The following EXOC5 variants were observed in gnomAD, a reference collection of about 807,000 sequenced individuals.
EXOC5 encodes SEC10-like 1.
EXOC5 carries 17 observed loss-of-function variants against 90.8 expected under a neutral mutation model. The observed-to-expected ratio is 0.19, with a 90% CI of 0.13 to 0.28. EXOC5 has a LOEUF of 0.28. Among genes scored for constraint, EXOC5 ranks in the 10% least tolerant of loss-of-function variants. EXOC5 has a pLI of 1.00. For synonymous variants in EXOC5, 260 were observed against 270.0 expected (o/e 0.96, Z 0.36); for missense variants, 569 against 830.6 (o/e 0.69, Z 3.87).
intron 1 of EXOC5, among the ~76,000 whole-genome samples, chr14:57,260,030 T>A (rs1432073786): frequency 6.6e-6 from 1 of 152,166 alleles, no homozygotes; most frequent in Non-Finnish European, 1.5e-5. Context: ...CATGGTACTA[T>A]CAATCAAAGA....
chr14:57,254,679 T>C (rs1328482020), intron 1 of EXOC5, among the ~76,000 whole-genome samples: 2 of 152,154 alleles, frequency 1.3e-5, no homozygotes, highest in African/African-American at 4.8e-5. Flanking sequence ...TATTTGGAGA[T>C]GGGACCTTTG....
chr14:57,254,102 C>T (rs1358354311), intron 1 of EXOC5, among the ~76,000 whole-genome samples: 3 of 152,150 alleles, frequency 2.0e-5, no homozygotes, highest in African/African-American at 7.2e-5. Context: ...ACAGATGTTT[C>T]TCCAAAGATA....
intron 1 of EXOC5, among the ~76,000 whole-genome samples, chr14:57,266,735 G>GTGTA (rs1884680000): frequency 6.1e-5 from 9 of 146,450 alleles, no homozygotes; most frequent in Non-Finnish European, 1.0e-4. Flanking sequence ...GTGTGTGTGT[G>GTGTA]TATATATATA....
At chr14:57,242,070 T>C (rs1282352121) in intron 4 of EXOC5, among the ~76,000 whole-genome samples, 1 of 148,948 alleles carries the variant, frequency 6.7e-6, no homozygotes, top group Non-Finnish European at 1.5e-5. Context: ...GAGGCGGAGG[T>C]TGCAGTGAGC....
At chr14:57,210,415 C>G (rs1223276427) in intron 15 of EXOC5, among the ~76,000 whole-genome samples, 1 of 152,066 alleles carries the variant, frequency 6.6e-6, no homozygotes, top group Non-Finnish European at 1.5e-5. Context: ...TTCTTGGGAC[C>G]AGAAGTGTTT....
At chr14:57,263,270 A>G (rs1884570089) in intron 1 of EXOC5, among the ~76,000 whole-genome samples, 1 of 152,196 alleles carries the variant, frequency 6.6e-6, no homozygotes, top group African/African-American at 2.4e-5. Context: ...CTGGAGTTGG[A>G]GACTAGCCTG....
rs1181847853 is a variant in EXOC5 at position 57,206,667 on chromosome 14, C to A, written c.*1942G>T. 1 of 152,284 alleles carries A rather than the reference C, an allele frequency of 6.6e-6. No homozygotes were observed. Among genetic ancestry groups the A allele is most frequent in the African/African-American group, 2.4e-5 (1 of 41,390 alleles). The allele number at this position is 152,284 out of a possible 1,614,324, so 9.4% of individuals were successfully genotyped here. A position where few individuals can be genotyped will look rare whatever the true frequency, so the allele number is the denominator to read the frequency against. On this transcript the variant is annotated 3_prime_UTR_variant, in exon 18 of 18. Coordinates refer to ENST00000621441, the MANE Select transcript of EXOC5 (RefSeq NM_006544.4). The stretch of plus-strand genomic sequence containing the variant: ...ATTCACTTACGAATTTTGTCACTGT[C>A]CTATCAACGGACATAATAGAAAATA...
chr14:57,265,412 G>A (rs560228903), intron 1 of EXOC5, among the ~76,000 whole-genome samples: 1 of 152,190 alleles, frequency 6.6e-6, no homozygotes, highest in Admixed American at 6.5e-5. Flanking sequence ...AAAGGAGAGA[G>A]GAACATTTGC....
chr14:57,222,276 A>G (rs1204798757), intron 13 of EXOC5, 32 bp downstream of exon 13: 10 of 1,078,110 alleles, frequency 9.3e-6, no homozygotes, highest in Non-Finnish European at 1.4e-5. Flanking sequence ...AATCAAAAGA[A>G]TTTAACACAA....
intron 5 of EXOC5, among the ~76,000 whole-genome samples, chr14:57,238,345 TAGAC>T (rs1883734905): frequency 1.2e-5 from 1 of 81,354 alleles, no homozygotes; most frequent in Non-Finnish European, 2.1e-5. Context: ...ATATCCTAAT[TAGAC>T]ATATATATAT....
At chr14:57,234,082 ATTATTTC>A in intron 7 of EXOC5, 50 bp from the exon 8 acceptor site, 1 of 1,360,130 alleles carries the variant, frequency 7.4e-7, no homozygotes, top group Admixed American at 1.8e-5. Context: ...TATAATAATT[ATTATTTC>A]AAAAAAAGAA....
At chr14:57,214,297 C>G (rs1261542140) in intron 15 of EXOC5, among the ~76,000 whole-genome samples, 1 of 152,124 alleles carries the variant, frequency 6.6e-6, no homozygotes, top group Non-Finnish European at 1.5e-5. Context: ...TGTGGATACT[C>G]AAATAAACCG....
chr14:57,215,652 T>A (rs138703841), intron 15 of EXOC5, among the ~76,000 whole-genome samples: 93 of 150,598 alleles, frequency 6.2e-4, no homozygotes, highest in African/African-American at 2.1e-3. Context: ...ACAAATTAGG[T>A]TTGAAGGAAT....
intron 1 of EXOC5, among the ~76,000 whole-genome samples, chr14:57,267,840 TA>T (rs1884727257): frequency 6.6e-6 from 1 of 152,196 alleles, no homozygotes; most frequent in Non-Finnish European, 1.5e-5. Context: ...AGCTTGCAGT[TA>T]GGTGATTTTA....
chr14:57,255,562 C>T (rs1005654329), intron 1 of EXOC5, among the ~76,000 whole-genome samples: 1 of 152,128 alleles, frequency 6.6e-6, no homozygotes, highest in African/African-American at 2.4e-5. Context: ...AGCACCAGTT[C>T]AGAGGGCATA....
At chr14:57,217,908 A>G in intron 15 of EXOC5, 74 bp downstream of exon 15, 1 of 764,156 alleles carries the variant, frequency 1.3e-6, no homozygotes, top group South Asian at 1.6e-5. Context: ...CTTCTCTACA[A>G]AGTATTTTCA....
rs1230094019 is a variant in EXOC5, at chr14:57,205,959, A to T, written c.*2650T>A. 1 of 456,274 alleles carries T rather than the reference A, an allele frequency of 2.2e-6. No individual in the cohort carries two copies. The highest frequency in any genetic ancestry group is 4.4e-6 in the Non-Finnish European group (1 of 226,682). The allele number at this position is 456,274 out of a possible 1,614,324, so 28.3% of individuals were successfully genotyped here. On this transcript the variant is annotated 3_prime_UTR_variant, in exon 18 of 18. Coordinates refer to ENST00000621441, the MANE Select transcript of EXOC5 (RefSeq NM_006544.4). Reference sequence around the variant, plus strand: ...AGCTACTATTTAATAATTCTTCATAAGGACACTTCATCTACTCTGGTTGAC... The same window carrying T: ...AGCTACTATTTAATAATTCTTCATATGGACACTTCATCTACTCTGGTTGAC...
intron 4 of EXOC5, among the ~76,000 whole-genome samples, chr14:57,240,208 CTGTCT>C (rs780918581): frequency 1.8e-4 from 25 of 136,270 alleles, no homozygotes; most frequent in Non-Finnish European, 3.6e-4. Context: ...TCTTTTCTTT[CTGTCT>C]TTTTTTTTTT....
intron 11 of EXOC5, 150 bp from the exon 12 acceptor site, chr14:57,230,031 TAA>T (rs1383488337): frequency 2.4e-6 from 1 of 425,478 alleles, no homozygotes; most frequent in East Asian, 3.4e-5. Flanking sequence ...TTTTGTGAAA[TAA>T]AGTTAGCCCT....
Sources: gnomAD v4.1 joint callset for allele counts (sites outside exome capture counted in the v4.1 genomes callset) on GRCh38, gnomAD v4.1.1 for gene constraint, MANE v1.5 for transcripts, NCBI Gene and HGNC (gene_info 2026-07-23, HGNC 2026-07-21) for gene names.